The following GABRA3 variants were observed in gnomAD, a reference collection of about 807,000 sequenced individuals.
GABRA3 encodes gamma-aminobutyric acid type A receptor subunit alpha3, also known as gamma-aminobutyric acid receptor subunit alpha-3.
A neutral mutation model predicts 30.1 loss-of-function variants in GABRA3; 10 were observed. The observed-to-expected ratio is 0.33, with a 90% CI of 0.20 to 0.56. The LOEUF (loss-of-function observed/expected upper bound fraction) is 0.56, where lower values mean the gene tolerates loss of function less well. Among genes scored for constraint, GABRA3 ranks in the 20% least tolerant of loss-of-function variants. The pLI is 0.89. For synonymous variants in GABRA3, 151 were observed against 146.8 expected (o/e 1.03, Z -0.21); for missense variants, 233 against 392.0 (o/e 0.59, Z 3.42).
chrX:152,360,801 G>A (rs1337490193), intron 2 of GABRA3, among the ~76,000 whole-genome samples: 2 of 103,026 alleles, frequency 1.9e-5, no homozygotes, highest in Admixed American at 1.0e-4. Context: ...AACCAGGTGT[G>A]GTGGCCCACA....
At chrX:152,323,663 T>C (rs1301559460) in intron 3 of GABRA3, among the ~76,000 whole-genome samples, 2 of 112,295 alleles carry the variant, frequency 1.8e-5, no homozygotes, top group African/African-American at 6.5e-5. Flanking sequence ...TTCACATTCT[T>C]TGAAGCAACT....
At chrX:152,209,016 A>G (rs1189493619) in intron 6 of GABRA3, among the ~76,000 whole-genome samples, 1 of 112,373 alleles carries the variant, frequency 8.9e-6, no homozygotes, top group Non-Finnish European at 1.9e-5. Flanking sequence ...TACAAATTCA[A>G]TTAATTATGG....
chrX:152,190,040 C>A, intron 8 of GABRA3, 99 bp from the exon 9 acceptor site: 1 of 596,114 alleles, frequency 1.7e-6, no homozygotes, highest in East Asian at 3.7e-5. Context: ...AAGCTTTACC[C>A]CACTCAAAAT....
intron 5 of GABRA3, among the ~76,000 whole-genome samples, chrX:152,252,114 C>T (rs1361638126): frequency 9.0e-6 from 1 of 110,687 alleles, no homozygotes; most frequent in Non-Finnish European, 1.9e-5. Flanking sequence ...TTTCTTTTAC[C>T]CCTGAATGTA....
intron 6 of GABRA3, among the ~76,000 whole-genome samples, 171 bp from the exon 7 acceptor site, chrX:152,208,315 A>C (rs942639695): frequency 4.5e-5 from 5 of 112,199 alleles, no homozygotes; most frequent in African/African-American, 1.6e-4. Context: ...ATCCATCCAT[A>C]CAATAAACTC....
chrX:152,384,529 A>C (rs1408076645), intron 1 of GABRA3, among the ~76,000 whole-genome samples: 1 of 112,214 alleles, frequency 8.9e-6, no homozygotes, highest in Non-Finnish European at 1.9e-5. Context: ...CAGGCTTTTC[A>C]ATAAATGGTT....
At chrX:152,433,746 C>A (rs866712213) in intron 1 of GABRA3, among the ~76,000 whole-genome samples, 313 of 103,400 alleles carry the variant, frequency 3.0e-3, no homozygotes, top group Middle Eastern at 0.016. Flanking sequence ...AGAGCTGGTT[C>A]TTTGAAAAGA....
At chrX:152,375,351 C>T (rs2740469) in intron 1 of GABRA3, among the ~76,000 whole-genome samples, 7 of 112,170 alleles carry the variant, frequency 6.2e-5, no homozygotes, top group Non-Finnish European at 1.1e-4. Context: ...ATGACTTTCT[C>T]TTCCATTCAA....
chrX:152,447,326 A>T (rs778602751), intron 1 of GABRA3, among the ~76,000 whole-genome samples: 1 of 111,179 alleles, frequency 9.0e-6, no homozygotes, highest in East Asian at 2.8e-4. Context: ...ATAATGGCCC[A>T]CTCCAGCAAT....
At chrX:152,271,874 C>T (rs1002859765) in intron 4 of GABRA3, among the ~76,000 whole-genome samples, 6 of 111,923 alleles carry the variant, frequency 5.4e-5, no homozygotes, top group African/African-American at 2.0e-4. Flanking sequence ...GGTGCAGCCC[C>T]CAAGCCTTGG....
At chrX:152,228,095 A>G (rs1429421145) in intron 5 of GABRA3, among the ~76,000 whole-genome samples, 1 of 111,866 alleles carries the variant, frequency 8.9e-6, no homozygotes, top group Non-Finnish European at 1.9e-5. Context: ...TCACATATGC[A>G]GTTAACCATT....
At chrX:152,190,028 A>C in intron 8 of GABRA3, 87 bp from the exon 9 acceptor site, 1 of 697,848 alleles carries the variant, frequency 1.4e-6, no homozygotes, top group Non-Finnish European at 2.1e-6. Context: ...ATTTGAAAGG[A>C]GAAGCTTTAC....
At chrX:152,376,705 T>C (rs1929007627) in intron 1 of GABRA3, among the ~76,000 whole-genome samples, 2 of 112,243 alleles carry the variant, frequency 1.8e-5, no homozygotes, top group African/African-American at 6.5e-5. Flanking sequence ...AATTGTTTAC[T>C]CCAGCTTAAT....
chrX:152,176,271 T>C (rs1937075052), intron 9 of GABRA3, among the ~76,000 whole-genome samples: 1 of 110,360 alleles, frequency 9.1e-6, no homozygotes, highest in African/African-American at 3.3e-5. Context: ...TGGGAAGCCA[T>C]TAAACTATTT....
At chrX:152,241,678 C>T (rs1383859962) in intron 5 of GABRA3, among the ~76,000 whole-genome samples, 2 of 109,476 alleles carry the variant, frequency 1.8e-5, no homozygotes, top group Admixed American at 9.6e-5. Context: ...GTAGGACCCT[C>T]TGAGCCAGGT....
At chrX:152,182,653 CAT>C (rs373015912) in intron 9 of GABRA3, among the ~76,000 whole-genome samples, 9 of 8,609 alleles carry the variant, frequency 1.0e-3, no homozygotes, top group African/African-American at 4.4e-3. Flanking sequence ...ACTATATATA[CAT>C]ATATAGTGTA....
intron 4 of GABRA3, 74 bp from the exon 5 acceptor site, chrX:152,256,072 T>G: frequency 1.4e-6 from 1 of 734,270 alleles, no homozygotes. Flanking sequence ...TAGCAAATAT[T>G]AATTACCTTG....
At chrX:152,439,078 T>C (rs1930851141) in intron 1 of GABRA3, among the ~76,000 whole-genome samples, 1 of 109,923 alleles carries the variant, frequency 9.1e-6, no homozygotes, top group Non-Finnish European at 1.9e-5. Context: ...GGTAACTCCG[T>C]TGAATTTTTT....
intron 2 of GABRA3, among the ~76,000 whole-genome samples, chrX:152,351,002 C>T (rs1940471185): frequency 8.9e-6 from 1 of 111,792 alleles, no homozygotes; most frequent in South Asian, 3.7e-4. Context: ...TAGACTGCAA[C>T]CGTGTGCTTA....
Sources: gnomAD v4.1 joint callset for allele counts (sites outside exome capture counted in the v4.1 genomes callset) on GRCh38, gnomAD v4.1.1 for gene constraint, MANE v1.5 for transcripts, NCBI Gene and HGNC (gene_info 2026-07-23, HGNC 2026-07-21) for gene names.